Variants in DNAJC1 observed in about 807,000 individuals in gnomAD.
The protein encoded by DNAJC1 is dnaJ homolog subfamily C member 1.
A neutral mutation model predicts 76.6 loss-of-function variants in DNAJC1; 58 were observed. The ratio of observed to expected loss-of-function variants is 0.76; its 90% CI spans 0.61 to 0.94. The LOEUF is 0.94. DNAJC1 is among the 40% of genes least tolerant of loss of function. The pLI, the probability that DNAJC1 is intolerant of heterozygous loss-of-function variation, is 0.00. For synonymous variants in DNAJC1, 258 were observed against 267.9 expected, an observed-to-expected ratio of 0.96 and a Z score of 0.36; for missense variants, 689 against 677.3, an observed-to-expected ratio of 1.02 and a Z score of -0.19.
intron 6 of DNAJC1, among the ~76,000 whole-genome samples, chr10:21,911,483 C>A (rs988871673): frequency 6.6e-6 from 1 of 152,016 alleles, no homozygotes; most frequent in Non-Finnish European, 1.5e-5. Context: ...AATTTCTGTA[C>A]AGAACTATAA....
chr10:21,973,594 T>C (rs942228548), intron 1 of DNAJC1, among the ~76,000 whole-genome samples: 3 of 152,134 alleles, frequency 2.0e-5, no homozygotes, highest in African/African-American at 7.2e-5. Flanking sequence ...ATTCCTCAAA[T>C]ATGCAGTTGT....
intron 3 of DNAJC1, among the ~76,000 whole-genome samples, chr10:21,924,138 T>C (rs560380197): frequency 1.3e-5 from 2 of 152,022 alleles, no homozygotes; most frequent in Admixed American, 6.6e-5. Context: ...CATTCTTCTT[T>C]GAAAAAAATA....
intron 8 of DNAJC1, among the ~76,000 whole-genome samples, chr10:21,842,857 T>G (rs1835595603): frequency 6.6e-6 from 1 of 152,216 alleles, no homozygotes; most frequent in African/African-American, 2.4e-5. Context: ...TTAGGAACAG[T>G]AAAATCTACT....
intron 1 of DNAJC1, among the ~76,000 whole-genome samples, chr10:21,967,174 A>C (rs1423797948): frequency 1.3e-5 from 2 of 152,166 alleles, no homozygotes; most frequent in East Asian, 3.8e-4. Flanking sequence ...TCATCACTCC[A>C]AAAGTTCTAT....
intron 1 of DNAJC1, among the ~76,000 whole-genome samples, chr10:21,986,579 T>C (rs1363880546): frequency 6.6e-6 from 1 of 152,150 alleles, no homozygotes; most frequent in Non-Finnish European, 1.5e-5. Flanking sequence ...AAAAGTTTTA[T>C]TCTCTATCTG....
chr10:21,827,040 G>T (rs1835269908), intron 8 of DNAJC1, among the ~76,000 whole-genome samples: 1 of 151,856 alleles, frequency 6.6e-6, no homozygotes, highest in African/African-American at 2.4e-5. Context: ...GCCCTGGGTA[G>T]TATTGTCATT....
At chr10:21,920,027 CA>C in intron 4 of DNAJC1, 98 bp from the exon 5 acceptor site, 1 of 715,160 alleles carries the variant, frequency 1.4e-6, no homozygotes, top group Admixed American at 2.8e-5. Context: ...TATAGAGGAA[CA>C]TTTATGCAAA....
At chr10:21,871,106 TAAA>T (rs1836095895) in intron 8 of DNAJC1, among the ~76,000 whole-genome samples, 1 of 152,068 alleles carries the variant, frequency 6.6e-6, no homozygotes, top group Admixed American at 6.6e-5. Context: ...GGGCATTTGT[TAAA>T]AAAATTTACA....
intron 7 of DNAJC1, among the ~76,000 whole-genome samples, chr10:21,885,195 GA>G (rs975440943): frequency 9.9e-5 from 15 of 151,822 alleles, no homozygotes; most frequent in Non-Finnish European, 2.1e-4. Context: ...ATGGAAAACA[GA>G]AAAAAGCAGG....
At chr10:21,984,830 A>G (rs1838213857) in intron 1 of DNAJC1, among the ~76,000 whole-genome samples, 1 of 152,328 alleles carries the variant, frequency 6.6e-6, no homozygotes, top group South Asian at 2.1e-4. Context: ...AGTGAGACCA[A>G]GTTCTGACAG....
intron 8 of DNAJC1, among the ~76,000 whole-genome samples, chr10:21,848,978 T>G (rs1835704948): frequency 6.6e-6 from 1 of 151,984 alleles, no homozygotes; most frequent in Admixed American, 6.6e-5. Flanking sequence ...GAAAGCAGTG[T>G]TTGAAGGTAA....
intron 1 of DNAJC1, among the ~76,000 whole-genome samples, chr10:21,942,520 T>A (rs140652441): frequency 1.3e-5 from 2 of 151,888 alleles, no homozygotes; most frequent in Non-Finnish European, 2.9e-5. Context: ...AAGATAAATA[T>A]AAGCGGCCGG....
intron 8 of DNAJC1, among the ~76,000 whole-genome samples, chr10:21,870,793 G>C (rs1397762248): frequency 6.6e-6 from 1 of 151,804 alleles, no homozygotes; most frequent in Non-Finnish European, 1.5e-5. Flanking sequence ...GAAAGAAAGA[G>C]AGAAAAGAAA....
intron 8 of DNAJC1, among the ~76,000 whole-genome samples, chr10:21,881,953 A>G (rs1301983597): frequency 2.0e-5 from 3 of 151,866 alleles, no homozygotes; most frequent in Admixed American, 6.6e-5. Context: ...AGAAGATCAA[A>G]ACCATCCTGG....
intron 1 of DNAJC1, among the ~76,000 whole-genome samples, chr10:21,943,450 C>T (rs531706177): frequency 1.1e-4 from 16 of 152,310 alleles, no homozygotes; most frequent in African/African-American, 3.6e-4. Context: ...TACCTTCCTT[C>T]CTTTCCTCTG....
intron 1 of DNAJC1, among the ~76,000 whole-genome samples, chr10:21,930,697 T>A (rs1192254329): frequency 6.6e-6 from 1 of 152,166 alleles, no homozygotes; most frequent in African/African-American, 2.4e-5. Context: ...TGGTTGTAAT[T>A]TTCATTCTAC....
chr10:21,976,269 A>G (rs1817224104), intron 1 of DNAJC1, among the ~76,000 whole-genome samples: 1 of 152,208 alleles, frequency 6.6e-6, no homozygotes, highest in Admixed American at 6.5e-5. Flanking sequence ...CTAGAAAAGT[A>G]TATACCAACC....
intron 8 of DNAJC1, among the ~76,000 whole-genome samples, chr10:21,837,794 GCCCGGCCAGCCGCCCC>G (rs1835491576): frequency 1.4e-5 from 2 of 140,516 alleles, no homozygotes; most frequent in African/African-American, 5.5e-5. Flanking sequence ...GGCAGCCCCC[GCCCGGCCAGCCGCCCC>G]GTCCGGGAGG....
At chr10:21,779,355 C>T (rs1321873035) in intron 9 of DNAJC1, among the ~76,000 whole-genome samples, 1 of 152,144 alleles carries the variant, frequency 6.6e-6, no homozygotes, top group African/African-American at 2.4e-5. Context: ...CAGTAGGGGC[C>T]AACTGACACC....
Sources: gnomAD v4.1 joint callset for allele counts (sites outside exome capture counted in the v4.1 genomes callset) on GRCh38, gnomAD v4.1.1 for gene constraint, MANE v1.5 for transcripts, NCBI Gene and HGNC (gene_info 2026-07-23, HGNC 2026-07-21) for gene names.